Variants in KCNAB1 observed in about 807,000 individuals in gnomAD.
KCNAB1 encodes the protein potassium voltage-gated channel subfamily A regulatory beta subunit 1, also known as voltage-gated potassium channel subunit beta-1.
Under a neutral mutation model 64.6 loss-of-function variants are expected in KCNAB1, and 35 were observed. The ratio of observed to expected loss-of-function variants is 0.54; its 90% confidence interval spans 0.41 to 0.72. KCNAB1 has a LOEUF of 0.72. Among genes scored for constraint, KCNAB1 ranks in the 30% least tolerant of loss-of-function variants. KCNAB1 has a pLI of 0.00. For missense variants in KCNAB1, 401 were observed against 512.9 expected, an observed-to-expected ratio of 0.78 and a Z score of 2.11; for synonymous variants, 177 against 183.8, an observed-to-expected ratio of 0.96 and a Z score of 0.30.
intron 1 of KCNAB1, among the ~76,000 whole-genome samples, chr3:156,420,381 A>G (rs150351058): frequency 1.3e-5 from 2 of 152,336 alleles, no homozygotes; most frequent in East Asian, 3.9e-4. Context: ...ATTTTTATGC[A>G]TTTTTTATTA....
intron 1 of KCNAB1, among the ~76,000 whole-genome samples, chr3:156,324,890 C>G (rs1327346744): frequency 2.0e-5 from 3 of 152,000 alleles, no homozygotes; most frequent in Non-Finnish European, 4.4e-5. Context: ...TCTTATTAAC[C>G]CCACTAGAAT....
intron 1 of KCNAB1, chr3:156,143,009 C>G: frequency 7.5e-7 from 1 of 1,326,410 alleles, no homozygotes; most frequent in Non-Finnish European, 9.6e-7. Context: ...CTGTCGGGAA[C>G]TTAGGAGCCT....
intron 8 of KCNAB1, among the ~76,000 whole-genome samples, chr3:156,483,059 C>G (rs1467908934): frequency 6.6e-6 from 1 of 152,076 alleles, no homozygotes; most frequent in Admixed American, 6.6e-5. Flanking sequence ...AGAATTCACG[C>G]AGGAGAAAGA....
intron 1 of KCNAB1, among the ~76,000 whole-genome samples, chr3:156,394,700 T>A (rs528574810): frequency 1.2e-4 from 18 of 152,332 alleles, no homozygotes; most frequent in African/African-American, 3.8e-4. Context: ...TCAGCACATG[T>A]CCCCAGGCAC....
intron 1 of KCNAB1, among the ~76,000 whole-genome samples, chr3:156,281,082 T>C (rs2108503805): frequency 6.6e-6 from 1 of 151,768 alleles, no homozygotes; most frequent in African/African-American, 2.4e-5. Flanking sequence ...GCCCATTCAG[T>C]ATGATATTGG....
At chr3:156,388,566 T>C (rs1347026365) in intron 1 of KCNAB1, among the ~76,000 whole-genome samples, 3 of 152,222 alleles carry the variant, frequency 2.0e-5, no homozygotes, top group African/African-American at 7.2e-5. Context: ...CAACCAAGAC[T>C]GCATCCCTGT....
intron 1 of KCNAB1, among the ~76,000 whole-genome samples, chr3:156,284,930 C>A (rs745335165): frequency 6.6e-6 from 1 of 152,220 alleles, no homozygotes; most frequent in African/African-American, 2.4e-5. Context: ...CCGTCTTCGT[C>A]GCTCTTGCTG....
At chr3:156,425,045 A>T (rs934433836) in intron 2 of KCNAB1, among the ~76,000 whole-genome samples, 1 of 152,206 alleles carries the variant, frequency 6.6e-6, no homozygotes, top group Non-Finnish European at 1.5e-5. Flanking sequence ...AGAAATTCAT[A>T]GAAAGAAATA....
At chr3:156,419,959 C>T (rs1355949935) in intron 1 of KCNAB1, among the ~76,000 whole-genome samples, 1 of 152,230 alleles carries the variant, frequency 6.6e-6, no homozygotes, top group African/African-American at 2.4e-5. Flanking sequence ...TTCTGAAAAA[C>T]TACTAAATGA....
At chr3:156,464,347 A>G (rs1404244721) in intron 6 of KCNAB1, among the ~76,000 whole-genome samples, 1 of 152,162 alleles carries the variant, frequency 6.6e-6, no homozygotes, top group Non-Finnish European at 1.5e-5. Flanking sequence ...CTGGCATTTG[A>G]ACTGGTACTT....
intron 1 of KCNAB1, among the ~76,000 whole-genome samples, chr3:156,366,392 C>T (rs1725948562): frequency 6.6e-6 from 1 of 152,200 alleles, no homozygotes; most frequent in African/African-American, 2.4e-5. Context: ...ACATTGTTTG[C>T]TTTGTTTATC....
chr3:156,210,489 A>G (rs779983107), intron 1 of KCNAB1, among the ~76,000 whole-genome samples: 5 of 152,168 alleles, frequency 3.3e-5, no homozygotes, highest in Non-Finnish European at 5.9e-5. Flanking sequence ...AGCCTGTACT[A>G]GAGAGAGCCA....
At chr3:156,237,040 C>T (rs991329194) in intron 1 of KCNAB1, among the ~76,000 whole-genome samples, 22 of 152,116 alleles carry the variant, frequency 1.4e-4, no homozygotes, top group African/African-American at 5.1e-4. Flanking sequence ...TGGGGCTAGG[C>T]TCTTTGTAAG....
At chr3:156,397,518 A>G (rs1713548483) in intron 1 of KCNAB1, among the ~76,000 whole-genome samples, 1 of 152,246 alleles carries the variant, frequency 6.6e-6, no homozygotes, top group African/African-American at 2.4e-5. Flanking sequence ...TGAAGTTTTC[A>G]ATGCCTTTCT....
At chr3:156,292,010 G>A (rs1277592006) in intron 1 of KCNAB1, 3 of 1,614,084 alleles carry the variant, frequency 1.9e-6, no homozygotes, top group East Asian at 4.5e-5. Flanking sequence ...TGTGGTGAAC[G>A]CAGCCCGGGC....
chr3:156,229,038 G>A (rs750155769), intron 1 of KCNAB1, among the ~76,000 whole-genome samples: 29 of 152,194 alleles, frequency 1.9e-4, no homozygotes, highest in Non-Finnish European at 3.7e-4. Flanking sequence ...TGTGTGTAAA[G>A]GGGAGCCTCT....
intron 1 of KCNAB1, among the ~76,000 whole-genome samples, chr3:156,263,774 G>A (rs2108482577): frequency 6.6e-6 from 1 of 152,050 alleles, no homozygotes; most frequent in East Asian, 1.9e-4. Flanking sequence ...CTAATACAAT[G>A]TAAATGATAT....
chr3:156,314,363 T>C (rs943436728), intron 1 of KCNAB1, among the ~76,000 whole-genome samples: 1 of 152,256 alleles, frequency 6.6e-6, no homozygotes, highest in African/African-American at 2.4e-5. Context: ...ATGTTTATTC[T>C]AATATAACGC....
chr3:156,180,915 C>G (rs1712764752), intron 1 of KCNAB1, among the ~76,000 whole-genome samples: 2 of 152,138 alleles, frequency 1.3e-5, no homozygotes, highest in South Asian at 4.2e-4. Flanking sequence ...GACTGAGGAA[C>G]AGAAATTTAT....
Sources: allele counts gnomAD v4.1 joint callset (sites outside exome capture counted in the v4.1 genomes callset), GRCh38; gene constraint gnomAD v4.1.1; transcripts MANE v1.5; gene names NCBI Gene and HGNC (gene_info 2026-07-23, HGNC 2026-07-21).